Variants in SH3BGRL2 observed in about 807,000 individuals in gnomAD.
The protein encoded by SH3BGRL2 is SH3 domain-binding glutamic acid-rich-like protein 2.
In SH3BGRL2, 21 loss-of-function variants were observed where a neutral mutation model predicts 14.8. The observed-to-expected ratio is 1.42, with a 90% CI of 1.01 to 2.05. The LOEUF (loss-of-function observed/expected upper bound fraction) is 2.05. SH3BGRL2 is among the 30% of genes most tolerant of loss of function. SH3BGRL2 has a pLI of 0.00. For missense variants in SH3BGRL2, 147 were observed against 130.8 expected (o/e 1.12, Z -0.61); for synonymous variants, 50 against 47.8 (o/e 1.05, Z -0.19).
At chr6:79,650,407 T>C (rs1302999548) in intron 1 of SH3BGRL2, among the ~76,000 whole-genome samples, 1 of 152,156 alleles carries the variant, frequency 6.6e-6, no homozygotes, top group Non-Finnish European at 1.5e-5. Flanking sequence ...AATGCAGGTG[T>C]CTTAGTCCAT....
At chr6:79,673,985 A>T (rs1769831047) in intron 2 of SH3BGRL2, among the ~76,000 whole-genome samples, 186 bp downstream of exon 2, 1 of 151,952 alleles carries the variant, frequency 6.6e-6, no homozygotes, top group African/African-American at 2.4e-5. Flanking sequence ...CTGTGTATGT[A>T]TGTGCGAGGG....
chr6:79,605,620 G>A, the SH3BGRL2 span, among the ~76,000 whole-genome samples: 1 of 152,156 alleles, frequency 6.6e-6, no homozygotes, highest in African/African-American at 2.4e-5. Flanking sequence ...CAAATTTTAA[G>A]TGCCAATATG....
the SH3BGRL2 span, among the ~76,000 whole-genome samples, chr6:79,589,714 CAA>C: frequency 6.6e-6 from 1 of 152,052 alleles, no homozygotes; most frequent in South Asian, 2.1e-4. Context: ...AATTATAGTA[CAA>C]AAGAGTGGAA....
At chr6:79,652,921 A>G (rs1056998482) in intron 1 of SH3BGRL2, among the ~76,000 whole-genome samples, 1 of 152,172 alleles carries the variant, frequency 6.6e-6, no homozygotes, top group African/African-American at 2.4e-5. Context: ...TTTAATCTAC[A>G]ATGTAACATT....
At chr6:79,698,117 T>C (rs1469518093) in intron 3 of SH3BGRL2, among the ~76,000 whole-genome samples, 1 of 152,176 alleles carries the variant, frequency 6.6e-6, no homozygotes, top group Admixed American at 6.5e-5. Flanking sequence ...CCCTGGACAC[T>C]GCCCCCATTC....
At chr6:79,662,596 A>T (rs1040143587) in intron 1 of SH3BGRL2, among the ~76,000 whole-genome samples, 8 of 151,622 alleles carry the variant, frequency 5.3e-5, no homozygotes, top group African/African-American at 1.9e-4. Flanking sequence ...CCTTCATTTC[A>T]ACCTTGGTGA....
the SH3BGRL2 span, among the ~76,000 whole-genome samples, chr6:79,565,540 T>TGTC: frequency 6.6e-6 from 1 of 152,098 alleles, no homozygotes; most frequent in Non-Finnish European, 1.5e-5. Context: ...TGTTATTTGG[T>TGTC]ATCACAATGC....
chr6:79,666,288 T>C (rs1026693868), intron 1 of SH3BGRL2, among the ~76,000 whole-genome samples: 4 of 152,098 alleles, frequency 2.6e-5, no homozygotes, highest in African/African-American at 9.7e-5. Flanking sequence ...GCTGGAAGAA[T>C]GAGGAAGGGC....
intron 2 of SH3BGRL2, among the ~76,000 whole-genome samples, chr6:79,687,806 G>T (rs769881523): frequency 2.0e-5 from 3 of 152,152 alleles, no homozygotes; most frequent in Non-Finnish European, 2.9e-5. Flanking sequence ...TTTAGAACTG[G>T]TTGTTGCTAT....
At chr6:79,699,105 G>A (rs897668457) in intron 3 of SH3BGRL2, among the ~76,000 whole-genome samples, 2 of 152,058 alleles carry the variant, frequency 1.3e-5, no homozygotes, top group South Asian at 2.1e-4. Context: ...CTGGGGCAGC[G>A]ACTCTTTACT....
At chr6:79,555,241 C>A in the SH3BGRL2 span, among the ~76,000 whole-genome samples, 3,530 of 151,994 alleles carry the variant, frequency 0.023, 133 homozygotes, top group African/African-American at 0.08. Flanking sequence ...CCTGAGGTCA[C>A]GAGTTCAAGA....
chr6:79,602,063 A>G, the SH3BGRL2 span, among the ~76,000 whole-genome samples: 1 of 152,242 alleles, frequency 6.6e-6, no homozygotes, highest in South Asian at 2.1e-4. Context: ...AATTTAAAAA[A>G]TAGATTCAGT....
the SH3BGRL2 span, among the ~76,000 whole-genome samples, chr6:79,572,512 C>CT: frequency 6.6e-6 from 1 of 152,042 alleles, no homozygotes; most frequent in African/African-American, 2.4e-5. Context: ...GTCGCCCAGG[C>CT]TGGAGTGCAG....
rs370426643 is a variant in SH3BGRL2, at chr6:79,694,023, G to A, written c.232-2462G>A. ...GTGGTGCCATTTTCTGAGACGTCTA[G>A]TTTGTGGAGTGGAAGATCATGAATT... On this transcript the variant is annotated intron_variant, in intron 2 of 3. Transcript: ENST00000369838. 3.9e-5 allele frequency among the ~76,000 whole-genome samples: 6 copies of A among 152,186 alleles called. No homozygotes were observed. In the East Asian group the frequency reaches 1.2e-3, roughly 29 times the overall value.
At chr6:79,624,310 ATATG>A in the SH3BGRL2 span, among the ~76,000 whole-genome samples, 3 of 149,948 alleles carry the variant, frequency 2.0e-5, no homozygotes, top group Non-Finnish European at 4.4e-5. Flanking sequence ...ATCATAATAC[ATATG>A]TATCATTAAT....
the SH3BGRL2 span, among the ~76,000 whole-genome samples, chr6:79,582,046 G>A: frequency 6.6e-6 from 1 of 152,136 alleles, no homozygotes; most frequent in Non-Finnish European, 1.5e-5. Context: ...CTGCCACTAA[G>A]AGAATAAAAT....
intron 1 of SH3BGRL2, among the ~76,000 whole-genome samples, chr6:79,669,928 C>A (rs927476016): frequency 6.6e-6 from 1 of 152,140 alleles, no homozygotes; most frequent in Admixed American, 6.5e-5. Context: ...GAACTTTGAT[C>A]CGGAAGTGAA....
At chr6:79,627,534 T>G (rs1343489285), upstream of SH3BGRL2, among the ~76,000 whole-genome samples, 2 of 152,224 alleles carry the variant, frequency 1.3e-5, no homozygotes, top group African/African-American at 4.8e-5. Flanking sequence ...ATGGAGGTGA[T>G]GAAATTTGCC....
At chr6:79,553,498 T>A in the SH3BGRL2 span, among the ~76,000 whole-genome samples, 1 of 152,218 alleles carries the variant, frequency 6.6e-6, no homozygotes, top group Non-Finnish European at 1.5e-5. Context: ...TTTGTTTCTT[T>A]GTTTTTTACC....
Sources: gnomAD v4.1 joint callset for allele counts (sites outside exome capture counted in the v4.1 genomes callset) on GRCh38, gnomAD v4.1.1 for gene constraint, MANE v1.5 for transcripts, NCBI Gene and HGNC (gene_info 2026-07-23, HGNC 2026-07-21) for gene names.